The following RNF152 variants were observed in gnomAD, a reference collection of about 807,000 sequenced individuals.
RNF152 encodes the protein ring finger protein 152.
Under a neutral mutation model 12.7 loss-of-function variants are expected in RNF152, and 11 were observed. The observed-to-expected ratio is 0.86, with a 90% confidence interval of 0.54 to 1.43. The LOEUF (loss-of-function observed/expected upper bound fraction) is 1.43. RNF152 is among the 40% of genes most tolerant of loss of function. RNF152 has a pLI of 0.00. For missense variants in RNF152, 255 were observed against 274.8 expected (o/e 0.93, Z 0.51); for synonymous variants, 113 against 120.3 (o/e 0.94, Z 0.40).
chr18:61,883,669 T>TG lies in RNF152; in HGVS notation c.-136+9125dup, dbSNP rs1459841370. 2.0e-5 allele frequency among the ~76,000 whole-genome samples: 3 copies of TG among 152,136 alleles called. No individual in the cohort carries two copies. The East Asian group carries it at 5.8e-4, about 29-fold the overall frequency. The stretch of plus-strand genomic sequence containing the variant: ...GTATGCTCTTAGTCATGGGCAAGTC[T>TG]GGGGGTCACTCTACTCCCAAGAAAG... On this transcript the variant is annotated intron_variant, in intron 1 of 1. Coordinates refer to ENST00000312828, the MANE Select transcript of RNF152 (RefSeq NM_173557.3).
intron 1 of RNF152, among the ~76,000 whole-genome samples, chr18:61,825,774 A>C (rs1202823590): frequency 1.3e-5 from 2 of 152,154 alleles, no homozygotes; most frequent in Non-Finnish European, 2.9e-5. Flanking sequence ...CTTCATGTCC[A>C]ATATCTACAG....
At chr18:61,824,244 T>C (rs952917152) in intron 1 of RNF152, among the ~76,000 whole-genome samples, 1 of 152,230 alleles carries the variant, frequency 6.6e-6, no homozygotes, top group African/African-American at 2.4e-5. Flanking sequence ...ATAGATAGGT[T>C]ACCTTAAGCA....
At chr18:61,873,099 GC>G (rs1912065345) in intron 1 of RNF152, among the ~76,000 whole-genome samples, 1 of 152,124 alleles carries the variant, frequency 6.6e-6, no homozygotes, top group South Asian at 2.1e-4. Context: ...ACAATCTTGA[GC>G]AAGCTACTAA....
chr18:61,878,523 C>G (rs2144751758), intron 1 of RNF152, among the ~76,000 whole-genome samples: 1 of 152,340 alleles, frequency 6.6e-6, no homozygotes, highest in South Asian at 2.1e-4. Flanking sequence ...ATTCATTCAT[C>G]CAAACTCCTG....
intron 1 of RNF152, among the ~76,000 whole-genome samples, chr18:61,887,231 T>C (rs1300556661): frequency 6.6e-6 from 1 of 152,050 alleles, no homozygotes; most frequent in Non-Finnish European, 1.5e-5. Flanking sequence ...AGTTATTAAG[T>C]GAGGGGATGA....
chr18:61,872,024 G>A (rs957372528), intron 1 of RNF152, among the ~76,000 whole-genome samples: 1 of 152,174 alleles, frequency 6.6e-6, no homozygotes, highest in Middle Eastern at 3.2e-3. Flanking sequence ...CGGTTCTGCA[G>A]GCTGTACAGT....
intron 1 of RNF152, among the ~76,000 whole-genome samples, chr18:61,874,228 C>T (rs1164755444): frequency 2.0e-5 from 3 of 152,174 alleles, no homozygotes; most frequent in South Asian, 2.1e-4. Flanking sequence ...TCCTCGCTGC[C>T]GCAGTTTAAC....
intron 1 of RNF152, among the ~76,000 whole-genome samples, chr18:61,864,361 A>C (rs1911635631): frequency 6.6e-6 from 1 of 152,238 alleles, no homozygotes; most frequent in Non-Finnish European, 1.5e-5. Flanking sequence ...GAACTCAGGA[A>C]CAGTTTATGG....
At chr18:61,829,699 CCCT>C (rs1228595367) in intron 1 of RNF152, among the ~76,000 whole-genome samples, 4 of 151,944 alleles carry the variant, frequency 2.6e-5, no homozygotes, top group African/African-American at 9.7e-5. Flanking sequence ...CAAACCTTTC[CCCT>C]CCTCTTCCAA....
intron 1 of RNF152, among the ~76,000 whole-genome samples, chr18:61,867,263 C>T (rs928658860): frequency 1.3e-5 from 2 of 152,088 alleles, no homozygotes; most frequent in African/African-American, 2.4e-5. Context: ...CCAGCCTGGC[C>T]AACATGGCGA....
At chr18:61,873,890 T>C (rs1912104565) in intron 1 of RNF152, among the ~76,000 whole-genome samples, 1 of 152,224 alleles carries the variant, frequency 6.6e-6, no homozygotes, top group Admixed American at 6.5e-5. Flanking sequence ...TACTAATTAC[T>C]GGGCATTTGT....
intron 1 of RNF152, among the ~76,000 whole-genome samples, chr18:61,879,296 T>G (rs1169102250): frequency 7.2e-6 from 1 of 139,104 alleles, no homozygotes; most frequent in Non-Finnish European, 1.7e-5. Flanking sequence ...TACATTTGCA[T>G]AGCATTTACA....
chr18:61,887,701 C>CAAAAAAA (rs34170984), intron 1 of RNF152, among the ~76,000 whole-genome samples: 1 of 105,956 alleles, frequency 9.4e-6, no homozygotes. Context: ...GACTCCATCT[C>CAAAAAAA]AAAAAAAAAA....
intron 1 of RNF152, among the ~76,000 whole-genome samples, chr18:61,874,471 A>T (rs1366193853): frequency 6.6e-6 from 1 of 152,252 alleles, no homozygotes; most frequent in East Asian, 1.9e-4. Context: ...ATTCAAAATA[A>T]TGTGCAACTA....
chr18:61,822,743 C>T (rs187231813), intron 1 of RNF152, among the ~76,000 whole-genome samples: 1 of 152,186 alleles, frequency 6.6e-6, no homozygotes, highest in African/African-American at 2.4e-5. Context: ...ATCGGGCTGA[C>T]CTTGAAGTGT....
chr18:61,815,701 G>T lies in RNF152; in HGVS notation c.*151C>A. 1.3e-6 allele frequency: 1 copy of T among 754,424 alleles called. No individual in the cohort carries two copies. The allele number at this position is 754,424 out of a possible 1,614,324, so 46.7% of individuals were successfully genotyped here. On this transcript the variant is annotated 3_prime_UTR_variant, in exon 2 of 2. Coordinates refer to ENST00000312828, the MANE Select transcript of RNF152 (RefSeq NM_173557.3). Reference sequence around the variant, plus strand: ...GTTGAGACCGCACCTTCTGCCCTTTGTGTCTGTCTTGGGGTAATCAAGAGG... The same window carrying T: ...GTTGAGACCGCACCTTCTGCCCTTTTTGTCTGTCTTGGGGTAATCAAGAGG...
chr18:61,844,074 A>G (rs989844541), intron 1 of RNF152, among the ~76,000 whole-genome samples: 3 of 130,202 alleles, frequency 2.3e-5, no homozygotes, highest in African/African-American at 8.9e-5. Context: ...AGACAGAAAG[A>G]AAGGAAAGAA....
At chr18:61,852,732 AG>A (rs1206846021) in intron 1 of RNF152, among the ~76,000 whole-genome samples, 1 of 152,182 alleles carries the variant, frequency 6.6e-6, no homozygotes, top group African/African-American at 2.4e-5. Flanking sequence ...CCTGGACATC[AG>A]GACTTTTAAA....
chr18:61,854,296 A>G (rs1911119642), intron 1 of RNF152, among the ~76,000 whole-genome samples: 1 of 152,192 alleles, frequency 6.6e-6, no homozygotes, highest in South Asian at 2.1e-4. Flanking sequence ...CATTATACAG[A>G]CTACAATGTC....
Sources: gnomAD v4.1 joint callset for allele counts (sites outside exome capture counted in the v4.1 genomes callset) on GRCh38, gnomAD v4.1.1 for gene constraint, MANE v1.5 for transcripts, NCBI Gene and HGNC (gene_info 2026-07-23, HGNC 2026-07-21) for gene names.